The following CHD7 variants were observed in gnomAD, a reference collection of about 807,000 sequenced individuals.
The protein encoded by CHD7 is chromodomain helicase DNA binding protein 7, also known as ATP-dependent chromatin remodeler CHD7.
Under a neutral mutation model 307.3 loss-of-function variants are expected in CHD7, and 24 were observed. The ratio of observed to expected loss-of-function variants is 0.08; its 90% CI spans 0.06 to 0.11. The LOEUF (loss-of-function observed/expected upper bound fraction) is 0.11. Among genes scored for constraint, CHD7 ranks in the 10% least tolerant of loss-of-function variants. The pLI is 1.00. For missense variants in CHD7, 3,106 were observed against 3,727.1 expected (o/e 0.83, Z 4.34); for synonymous variants, 1,363 against 1,349.9 (o/e 1.01, Z -0.21).
In CHD7 at chr8:60,800,439, G is replaced by C. The variant is rs1812248473; in HGVS notation, c.2290G>C (p.Glu764Gln). 1 of 1,613,852 alleles carries C rather than the reference G, an allele frequency of 6.2e-7. No homozygotes were observed. Among genetic ancestry groups the C allele is most frequent in the East Asian group, 2.2e-5 (1 of 44,874 alleles). Residue 764 changes from glutamate (E) to glutamine (Q), a missense_variant, in exon 5 of 38, where the codon GAG becomes CAG. Physicochemically the swap from Glu to Gln is conservative, Grantham distance 29. This residue lies in a region of CHD7 where 998 missense variants were observed against 1,004.5 expected (regional missense o/e 0.99). Transcript: ENST00000423902. Reference protein sequence around the residue: ...VKRKRYTEDLEFKISDEEADD... With the variant: ...VKRKRYTEDLQFKISDEEADD... ...GAGAAAGCGCTACACTGAAGACCTG[G>C]AGTTCAAGATTTCTGATGAGGAGGC...
At chr8:60,728,229 A>G (rs139098076) in intron 1 of CHD7, among the ~76,000 whole-genome samples, 154 of 152,390 alleles carry the variant, frequency 1.0e-3, no homozygotes, top group Non-Finnish European at 1.8e-3. Context: ...AGATCATTAC[A>G]CAAACAAGGA....
chr8:60,780,440 G>C (rs769297029), intron 2 of CHD7, among the ~76,000 whole-genome samples: 7 of 152,150 alleles, frequency 4.6e-5, no homozygotes, highest in African/African-American at 1.7e-4. Flanking sequence ...TTGGGTATGT[G>C]CTTTTAATTT....
rs752468864 is a variant in CHD7 at position 60,781,238 on chromosome 8, A to G, written c.1904A>G (p.Asp635Gly). The change falls in exon 3 of 38, where the codon GAT (aspartate) becomes GGT (glycine). Residue 635 changes from aspartate (D) to glycine (G), a missense_variant. Physicochemically the swap from Asp to Gly is moderately conservative, Grantham distance 94. Transcript: ENST00000423902. ...CAAGAACTAAATAGGAACTCACTGGATGGGTCCCAAGAAGAAAAAAAGAAA... is the reference window on the plus strand; with the variant it reads ...CAAGAACTAAATAGGAACTCACTGGGTGGGTCCCAAGAAGAAAAAAAGAAA... ...DNQELNRNSL[D>G]GSQEEKKKKK... 1 of 1,583,236 alleles carries G rather than the reference A, an allele frequency of 6.3e-7. No individual in the cohort carries two copies. The highest frequency in any genetic ancestry group is 1.8e-5 in the Admixed American group (1 of 54,138).
At chr8:60,823,062 A>G (rs534411421) in intron 12 of CHD7, among the ~76,000 whole-genome samples, 1 of 152,340 alleles carries the variant, frequency 6.6e-6, no homozygotes, top group South Asian at 2.1e-4. Flanking sequence ...AAACTAAACA[A>G]AAATTGGTAA....
At chr8:60,795,344 C>G (rs774456277) in intron 4 of CHD7, among the ~76,000 whole-genome samples, 4 of 152,076 alleles carry the variant, frequency 2.6e-5, no homozygotes, top group Admixed American at 6.6e-5. Context: ...GTTTTGCTAT[C>G]TTTGACTCTA....
chr8:60,717,556 G>T (rs2150536197), intron 1 of CHD7, among the ~76,000 whole-genome samples: 1 of 152,304 alleles, frequency 6.6e-6, no homozygotes, highest in Non-Finnish European at 1.5e-5. Context: ...AAACCTTATG[G>T]GTGTAGGGGA....
Position 60,865,601 on chromosome 8 carries a change from C to G in CHD7, c.8662C>G (p.Leu2888Val). ...TAPAGLPSNP[L>V]AFNPFLLSTM... ...CCCGGCTGGATTGCCCTCAAACCCG[C>G]TAGCCTTCAACCCTTTCCTCCTGTC... The change falls in exon 38 of 38, where the codon CTA (leucine) becomes GTA (valine). Residue 2888 changes from leucine to valine, a missense_variant. Leu to Val is a conservative substitution (Grantham distance 32). Around this residue, in one of 10 missense-constraint regions of CHD7, gnomAD observed 351 missense variants for 366.2 expected, o/e 0.96. Coordinates refer to ENST00000423902, the MANE Select transcript of CHD7 (RefSeq NM_017780.4). This position sits in a 1 kb window ranked among gnomAD's most constrained non-coding sequence, Gnocchi z 4.3. 1 of 1,613,990 alleles carries G rather than the reference C, an allele frequency of 6.2e-7. No homozygotes were observed. The highest frequency in any genetic ancestry group is 8.5e-7 in the Non-Finnish European group (1 of 1,179,832).
chr8:60,755,061 C>G (rs531572328), intron 2 of CHD7, among the ~76,000 whole-genome samples: 59 of 152,254 alleles, frequency 3.9e-4, no homozygotes, highest in African/African-American at 1.4e-3. Flanking sequence ...TTGACTGGCA[C>G]TGAAGGCCCT....
chr8:60,802,411 C>T (rs1299386365), intron 6 of CHD7, among the ~76,000 whole-genome samples: 1 of 152,204 alleles, frequency 6.6e-6, no homozygotes, highest in Non-Finnish European at 1.5e-5. Context: ...AAGTAGTCTC[C>T]TTTAGACATA....
intron 36 of CHD7, 35 bp from the exon 37 acceptor site, chr8:60,862,511 CTG>C (rs769107056): frequency 1.2e-4 from 184 of 1,530,312 alleles, no homozygotes; most frequent in Middle Eastern, 1.7e-4. Flanking sequence ...GGAGGGAAGA[CTG>C]TGTTTTTAAT....
chr8:60,800,567 A>AAGGACT (rs1554592811), intron 5 of CHD7, 42 bp downstream of exon 5: 12 of 1,551,786 alleles, frequency 7.7e-6, no homozygotes, highest in Non-Finnish European at 7.9e-6. Flanking sequence ...CATTTTAAAG[A>AAGGACT]TGGACTAGAA....
Position 60,860,897 on chromosome 8 carries a change from T to G in CHD7, c.7609-7T>G, listed in dbSNP as rs745569961. 1 of 1,606,272 alleles carries G rather than the reference T, an allele frequency of 6.2e-7. No individual in the cohort carries two copies. Among genetic ancestry groups the G allele is most frequent in the Non-Finnish European group, 8.5e-7 (1 of 1,175,366 alleles). ...TGAGAATTCATACCATTGTGAACTT[T>G]CTGCAGGAGGATGCTGAGGTGACCA... is the stretch of plus-strand genomic sequence containing the variant. On this transcript the variant is annotated splice_region_variant and splice_polypyrimidine_tract_variant and intron_variant, in intron 34 of 37. Transcript: ENST00000423902.
chr8:60,767,167 G>T (rs1432567736), intron 2 of CHD7, among the ~76,000 whole-genome samples: 1 of 152,182 alleles, frequency 6.6e-6, no homozygotes, highest in Non-Finnish European at 1.5e-5. Flanking sequence ...AGCAACTTTT[G>T]TGGAATATTA....
Position 60,836,116 on chromosome 8 carries a change from T to C in CHD7, c.3822T>C (p.Asn1274=). Residue 1274 remains asparagine, a synonymous_variant, in exon 16 of 38, where the codon AAT becomes AAC. Coordinates refer to ENST00000423902, the MANE Select transcript of CHD7 (RefSeq NM_017780.4). ...KILEEFKETH[N]AESPDFQLQA... Reference sequence around the variant, plus strand: ...TGGAAGAGTTTAAAGAAACACACAATGCAGAGTCTCCAGATTTTCAGCTCC... The same window carrying C: ...TGGAAGAGTTTAAAGAAACACACAACGCAGAGTCTCCAGATTTTCAGCTCC... 1 of 1,613,242 alleles carries C rather than the reference T, an allele frequency of 6.2e-7. No homozygotes were observed. Among genetic ancestry groups the C allele is most frequent in the Non-Finnish European group, 8.5e-7 (1 of 1,179,662 alleles).
intron 1 of CHD7, among the ~76,000 whole-genome samples, chr8:60,730,051 A>G (rs1808363375): frequency 6.6e-6 from 1 of 152,256 alleles, no homozygotes; most frequent in Non-Finnish European, 1.5e-5. Context: ...TCAATGCTCA[A>G]TGATGTAGAA....
intron 7 of CHD7, among the ~76,000 whole-genome samples, chr8:60,809,099 C>G (rs375942796): frequency 6.6e-6 from 1 of 152,172 alleles, no homozygotes; most frequent in East Asian, 1.9e-4. Context: ...AAATTTACCC[C>G]ACCCTAGAAA....
intron 1 of CHD7, among the ~76,000 whole-genome samples, chr8:60,734,693 AC>A (rs1402420770): frequency 1.3e-5 from 2 of 152,096 alleles, no homozygotes; most frequent in African/African-American, 4.8e-5. Context: ...AGTTTGATAT[AC>A]CTAATGGGGG....
chr8:60,852,943 A>G lies in CHD7; in HGVS notation c.6218A>G (p.Gln2073Arg). 1 of 1,613,920 alleles carries G rather than the reference A, an allele frequency of 6.2e-7. No individual in the cohort carries two copies. Among genetic ancestry groups the G allele is most frequent in the Non-Finnish European group, 8.5e-7 (1 of 1,179,870 alleles). The change falls in exon 31 of 38, where the codon CAG becomes CGG. Residue 2073 changes from glutamine to arginine, a missense_variant. This residue lies in a region of CHD7 where 1,030 missense variants were observed against 1,165.4 expected (regional missense o/e 0.88). Coordinates refer to ENST00000423902, the MANE Select transcript of CHD7 (RefSeq NM_017780.4). ...KIREQVLHHP[Q>R]LGERLKLCQP... ...CGCGAGCAGGTTCTCCATCACCCCC[A>G]GCTGGGAGAGAGGCTTAAGCTCTGC...
At position 60,852,664 on chromosome 8, in the gene CHD7, A is replaced by T; in HGVS notation, c.6061A>T (p.Met2021Leu). 6.2e-7 allele frequency: 1 copy of T among 1,614,024 alleles called. No homozygotes were observed. The highest frequency in any genetic ancestry group is 8.5e-7 in the Non-Finnish European group (1 of 1,179,908). Reference sequence around the variant, plus strand: ...GAAATACTTCAGTTGTTTTGTGGCCATGTGTAGGCGAGTATGTCGAATGCC... The same window carrying T: ...GAAATACTTCAGTTGTTTTGTGGCCTTGTGTAGGCGAGTATGTCGAATGCC... ...LEKYFSCFVA[M>L]CRRVCRMPVK... The change falls in exon 30 of 38, where the codon ATG becomes TTG. Residue 2021 changes from methionine to leucine, a missense_variant. This residue lies in a region of CHD7 where 1,030 missense variants were observed against 1,165.4 expected (regional missense o/e 0.88). Transcript: ENST00000423902.
Sources: allele counts gnomAD v4.1 joint callset (sites outside exome capture counted in the v4.1 genomes callset), GRCh38; gene constraint gnomAD v4.1.1; regional missense constraint gnomAD v4.1.1; non-coding constraint Gnocchi (gnomAD v3.1); transcripts MANE v1.5; gene names NCBI Gene and HGNC (gene_info 2026-07-23, HGNC 2026-07-21).